Variants in NAA11 observed in about 807,000 individuals in gnomAD.
The protein encoded by NAA11 is N-alpha-acetyltransferase 11, NatA catalytic subunit, also known as N-alpha-acetyltransferase 11.
A neutral mutation model predicts 16.1 loss-of-function variants in NAA11; 15 were observed. The ratio of observed to expected loss-of-function variants is 0.93; its 90% CI spans 0.62 to 1.44. The LOEUF (loss-of-function observed/expected upper bound fraction) is 1.44, where lower values mean the gene tolerates loss of function less well. Ranked by LOEUF, NAA11 falls within the 40% of genes most tolerant of loss-of-function variation. The pLI is 0.00. For synonymous variants in NAA11, 122 were observed against 112.4 expected, an observed-to-expected ratio of 1.09 and a Z score of -0.54; for missense variants, 298 against 291.3, an observed-to-expected ratio of 1.02 and a Z score of -0.17.
Position 79,281,547 on chromosome 4 carries a change from G to A in NAA11, c.*122+12458C>T, listed in dbSNP as rs1722787386. Reference sequence around the variant, plus strand: ...GCACAAAGCAGACAAGTTCTTTGTTGTCGAGTCCATATTCTACTACAAGAT... The same window carrying A: ...GCACAAAGCAGACAAGTTCTTTGTTATCGAGTCCATATTCTACTACAAGAT... On this transcript the variant is annotated intron_variant and NMD_transcript_variant, in intron 2 of 2. Transcript: ENST00000511542. 3.3e-5 allele frequency among the ~76,000 whole-genome samples: 5 copies of A among 151,992 alleles called. No homozygotes were observed. In the South Asian group the frequency reaches 1.0e-3, roughly 31 times the overall value.
Position 79,325,175 on chromosome 4 carries a change from C to A in NAA11, c.*12+1G>T, listed in dbSNP as rs1305122006. The A allele has an allele frequency of 1.3e-6, 2 of 1,591,280 alleles. No homozygotes were observed. The highest frequency in any genetic ancestry group is 1.7e-6 in the Non-Finnish European group (2 of 1,167,996). ...GTACTGGGTCAGGGAAGACAGAATA[C>A]CTTAAGCATGCTCTAGGAGGTGGAA... On this transcript the variant is annotated splice_donor_variant, in intron 1 of 1. Transcript: ENST00000286794. LOFTEE classifies it low-confidence loss of function (3UTR_SPLICE).
At chr4:79,162,904 A>G in the NAA11 span, among the ~76,000 whole-genome samples, 1 of 152,136 alleles carries the variant, frequency 6.6e-6, no homozygotes, top group Non-Finnish European at 1.5e-5. Flanking sequence ...AATAGGAAGT[A>G]TTTTTCATAT....
At chr4:79,220,809 A>C (rs1405986512), downstream of NAA11, among the ~76,000 whole-genome samples, 3 of 152,136 alleles carry the variant, frequency 2.0e-5, no homozygotes, top group Admixed American at 6.6e-5. Context: ...AGGTAGTGTG[A>C]TGCCTCCAGC....
intron 2 of NAA11, among the ~76,000 whole-genome samples, chr4:79,226,682 GTT>G (rs1189974750): frequency 6.7e-6 from 1 of 149,444 alleles, no homozygotes; most frequent in African/African-American, 2.5e-5. Context: ...TGTGGTGTTT[GTT>G]TTTTTGTCCT....
chr4:79,161,351 C>G, the NAA11 span, among the ~76,000 whole-genome samples: 1 of 152,088 alleles, frequency 6.6e-6, no homozygotes, highest in East Asian at 1.9e-4. Context: ...GGGTTTATTT[C>G]TGGATCTAAA....
chr4:79,242,692 G>GA (rs1721724592), intron 2 of NAA11, among the ~76,000 whole-genome samples: 1 of 151,912 alleles, frequency 6.6e-6, no homozygotes, highest in South Asian at 2.1e-4. Flanking sequence ...ATGAGATTTG[G>GA]AAAAAAGGAT....
chr4:79,159,721 G>T, the NAA11 span, among the ~76,000 whole-genome samples: 7 of 151,812 alleles, frequency 4.6e-5, no homozygotes, highest in East Asian at 5.8e-4. Flanking sequence ...CCTTCCCTCT[G>T]TTCTTTGAAA....
At chr4:79,295,959 AGTT>A (rs1188648487) in intron 1 of NAA11, among the ~76,000 whole-genome samples, 1 of 152,296 alleles carries the variant, frequency 6.6e-6, no homozygotes, top group East Asian at 1.9e-4. Context: ...AAGCCTGTCT[AGTT>A]GTTTATATTC....
At chr4:79,303,071 GCCTTTTATATAT>G (rs1275850102) in intron 1 of NAA11, among the ~76,000 whole-genome samples, 69 of 86,594 alleles carry the variant, frequency 8.0e-4, no homozygotes, top group African/African-American at 3.2e-3. Flanking sequence ...TTCTCTTGAG[GCCTTTTATATAT>G]ATATATATAT....
the NAA11 span, among the ~76,000 whole-genome samples, chr4:79,199,877 A>G: frequency 6.6e-6 from 1 of 151,892 alleles, no homozygotes; most frequent in Non-Finnish European, 1.5e-5. Context: ...GAGGGTGTCT[A>G]TGGAGCTTTG....
the NAA11 span, among the ~76,000 whole-genome samples, chr4:79,165,350 C>T: frequency 6.6e-6 from 1 of 152,184 alleles, no homozygotes; most frequent in African/African-American, 2.4e-5. Context: ...GCCCCTCCTC[C>T]CATCCCCTCC....
intron 1 of NAA11, among the ~76,000 whole-genome samples, chr4:79,321,661 C>T (rs1030231471): frequency 6.6e-6 from 1 of 152,186 alleles, no homozygotes. Flanking sequence ...ATTAGCAATA[C>T]TTGAGACTTT....
At chr4:79,257,696 C>A (rs1051401260) in intron 2 of NAA11, among the ~76,000 whole-genome samples, 3 of 152,002 alleles carry the variant, frequency 2.0e-5, no homozygotes, top group Admixed American at 6.6e-5. Context: ...TTCTTGAGTT[C>A]TGTCACCTAA....
chr4:79,236,152 C>T (rs955791257), intron 2 of NAA11, among the ~76,000 whole-genome samples: 5 of 152,086 alleles, frequency 3.3e-5, no homozygotes, highest in Middle Eastern at 3.4e-3. Flanking sequence ...CTTTGGTTAA[C>T]ATTTTATATT....
intron 2 of NAA11, among the ~76,000 whole-genome samples, chr4:79,277,338 C>T (rs1029336013): frequency 6.6e-6 from 1 of 152,016 alleles, no homozygotes; most frequent in Non-Finnish European, 1.5e-5. Flanking sequence ...TGCAGAGGCT[C>T]ATAAAAATGG....
chr4:79,258,448 G>T (rs1172014216), intron 2 of NAA11, among the ~76,000 whole-genome samples: 3 of 152,254 alleles, frequency 2.0e-5, no homozygotes, highest in Non-Finnish European at 1.5e-5. Context: ...CAAAGTCGGA[G>T]CTGAGCCCAG....
the NAA11 span, among the ~76,000 whole-genome samples, chr4:79,218,183 G>A: frequency 1.3e-5 from 2 of 152,078 alleles, no homozygotes; most frequent in Non-Finnish European, 2.9e-5. Flanking sequence ...TGGGGTAAGA[G>A]AATACAGATC....
At chr4:79,191,569 T>A in the NAA11 span, among the ~76,000 whole-genome samples, 6 of 152,222 alleles carry the variant, frequency 3.9e-5, no homozygotes, top group Admixed American at 6.5e-5. Context: ...TCCTTTTAGA[T>A]GCTGGATATT....
chr4:79,258,291 G>A (rs895137810), intron 2 of NAA11, among the ~76,000 whole-genome samples: 2 of 152,272 alleles, frequency 1.3e-5, no homozygotes, highest in Non-Finnish European at 2.9e-5. Flanking sequence ...TGGGAGCAGT[G>A]GCAGCTACCC....
Sources: gnomAD v4.1 joint callset for allele counts (sites outside exome capture counted in the v4.1 genomes callset) on GRCh38, gnomAD v4.1.1 for gene constraint, MANE v1.5 for transcripts, NCBI Gene and HGNC (gene_info 2026-07-23, HGNC 2026-07-21) for gene names.